The following GRIK2 variants were observed in gnomAD, a reference collection of about 807,000 sequenced individuals.
The protein encoded by GRIK2 is glutamate ionotropic receptor kainate type subunit 2.
In GRIK2, 32 loss-of-function variants were observed where a neutral mutation model predicts 100.3. That is an observed-to-expected ratio of 0.32 (90% CI 0.24 to 0.43). GRIK2 has a LOEUF of 0.43. Ranked by LOEUF, GRIK2 falls within the 20% of genes least tolerant of loss-of-function variation. The probability of loss-of-function intolerance (pLI) is 1.00; values close to 1 mark genes in which losing one functional copy is unlikely to be tolerated. For missense variants in GRIK2, 843 were observed against 1,114.9 expected, an observed-to-expected ratio of 0.76 and a Z score of 3.47; for synonymous variants, 417 against 389.4, an observed-to-expected ratio of 1.07 and a Z score of -0.83.
intron 7 of GRIK2, among the ~76,000 whole-genome samples, chr6:101,767,113 T>C (rs1293390740): frequency 6.6e-6 from 1 of 152,216 alleles, no homozygotes; most frequent in Non-Finnish European, 1.5e-5. Context: ...GAATACTATC[T>C]AGAATTCAGA....
chr6:101,942,776 T>A (rs1256319535), intron 14 of GRIK2, among the ~76,000 whole-genome samples: 2 of 152,202 alleles, frequency 1.3e-5, no homozygotes, highest in East Asian at 3.9e-4. Context: ...AGAGATGGTC[T>A]GAAATTAGAA....
rs200910071 is a variant in GRIK2 at position 101,523,181 on chromosome 6, TA to T, written c.116-98766del. Among the ~76,000 whole-genome samples the T allele has an allele frequency of 3.8e-3, 576 of 152,302 alleles. 7 individuals carry two copies. The highest frequency in any genetic ancestry group is 0.013 in the African/African-American group (559 of 41,572). ...GGGAATTATTATCTCTCAGTATAAGTAAGAGAAAACTTCGACTTTTGGCAGC... is the reference window on the plus strand; with the variant it reads ...GGGAATTATTATCTCTCAGTATAAGTAGAGAAAACTTCGACTTTTGGCAGC... On this transcript the variant is annotated intron_variant, in intron 2 of 16. Coordinates refer to ENST00000369134, the MANE Select transcript of GRIK2 (RefSeq NM_021956.5).
chr6:101,776,937 G>A (rs975186050), intron 7 of GRIK2, among the ~76,000 whole-genome samples: 2 of 152,158 alleles, frequency 1.3e-5, no homozygotes, highest in Non-Finnish European at 2.9e-5. Context: ...TTCTAAACTG[G>A]TTCCTTGTTC....
chr6:102,022,121 G>A (rs1366774916), intron 14 of GRIK2, among the ~76,000 whole-genome samples: 1 of 141,820 alleles, frequency 7.1e-6, no homozygotes, highest in African/African-American at 2.7e-5. Flanking sequence ...TTTTAAATGA[G>A]TCTGTCTATA....
rs370082483 is a variant in GRIK2, at chr6:101,443,131, A to G, written c.115+43739A>G. Among the ~76,000 whole-genome samples, 7 of 152,240 alleles carry G rather than the reference A, an allele frequency of 4.6e-5. No individual in the cohort carries two copies. In the East Asian group the frequency reaches 1.2e-3, roughly 25 times the overall value. On this transcript the variant is annotated intron_variant, in intron 2 of 16. Coordinates refer to ENST00000369134, the MANE Select transcript of GRIK2 (RefSeq NM_021956.5). Reference sequence around the variant, plus strand: ...AAGGTGTCACTATTTCTAAAAATTCAAAGTACGAAAGGGGTCTTTAAGGAA... The same window carrying G: ...AAGGTGTCACTATTTCTAAAAATTCGAAGTACGAAAGGGGTCTTTAAGGAA...
intron 14 of GRIK2, among the ~76,000 whole-genome samples, chr6:101,941,334 G>A (rs1028812872): frequency 1.3e-5 from 2 of 152,024 alleles, no homozygotes; most frequent in East Asian, 1.9e-4. Flanking sequence ...AAGAGAGTCT[G>A]GATAAGGATA....
chr6:101,878,771 T>A (rs1394001380), intron 11 of GRIK2, among the ~76,000 whole-genome samples: 1 of 152,004 alleles, frequency 6.6e-6, no homozygotes, highest in Non-Finnish European at 1.5e-5. Flanking sequence ...GTTTCACTTC[T>A]CTTCTATTCA....
chr6:101,734,537 C>T (rs1775502334), intron 7 of GRIK2, among the ~76,000 whole-genome samples: 1 of 151,982 alleles, frequency 6.6e-6, no homozygotes. Flanking sequence ...AAAGACATAC[C>T]CACAGACACA....
intron 7 of GRIK2, among the ~76,000 whole-genome samples, chr6:101,722,665 A>G (rs1583023395): frequency 6.6e-6 from 1 of 152,078 alleles, no homozygotes; most frequent in African/African-American, 2.4e-5. Flanking sequence ...ATGGATGCCA[A>G]CTGTGAAACC....
chr6:101,909,180 A>G (rs1788459532), intron 12 of GRIK2, among the ~76,000 whole-genome samples: 1 of 151,110 alleles, frequency 6.6e-6, no homozygotes, highest in Non-Finnish European at 1.5e-5. Context: ...TCAGTATAAA[A>G]GAGATTTTGA....
chr6:101,696,853 G>GA (rs554695742), intron 7 of GRIK2, among the ~76,000 whole-genome samples: 13 of 150,986 alleles, frequency 8.6e-5, no homozygotes, highest in Non-Finnish European at 1.0e-4. Flanking sequence ...TAGAAACCAG[G>GA]AAAAAAAAAT....
chr6:102,063,443 G>A (rs1771853769), intron 16 of GRIK2, among the ~76,000 whole-genome samples: 2 of 150,568 alleles, frequency 1.3e-5, no homozygotes, highest in South Asian at 4.2e-4. Context: ...AATCATGCTG[G>A]TTATTTTTCT....
At chr6:101,574,362 T>C (rs1777699482) in intron 2 of GRIK2, among the ~76,000 whole-genome samples, 1 of 147,766 alleles carries the variant, frequency 6.8e-6, no homozygotes, top group East Asian at 2.0e-4. Context: ...TTATATATAC[T>C]TATATATAAA....
At position 102,006,392 on chromosome 6, in the gene GRIK2, T is replaced by TATATATATATA. The variant is rs1562105606; in HGVS notation, c.2086-28949_2086-28948insATATATATATA. Among the ~76,000 whole-genome samples the TATATATATATA allele has an allele frequency of 8.3e-5, 8 of 96,446 alleles. No homozygotes were observed. The South Asian group carries it at 2.0e-3, about 25-fold the overall frequency. The allele number at this position is 96,446 out of a possible 152,430, so 63.3% of individuals were successfully genotyped here. A position where few individuals can be genotyped will look rare whatever the true frequency, so the allele number is the denominator to read the frequency against. Reference sequence around the variant, plus strand: ...TTTATATATATATATATATATATATTTTTTTTTTTTTTGAGACATACAGTG... The same window carrying TATATATATATA: ...TTTATATATATATATATATATATATTATATATATATATTTTTTTTTTTTGAGACATACAGTG... On this transcript the variant is annotated intron_variant, in intron 14 of 16. Transcript: ENST00000369134.
intron 14 of GRIK2, among the ~76,000 whole-genome samples, chr6:101,960,940 C>G (rs191651344): frequency 2.8e-4 from 43 of 152,246 alleles, no homozygotes; most frequent in African/African-American, 1.0e-3. Context: ...CCTGACTTCC[C>G]TGCTGAAGGG....
intron 15 of GRIK2, among the ~76,000 whole-genome samples, chr6:102,053,091 AACACACAC>A (rs148536098): frequency 2.0e-5 from 3 of 149,268 alleles, no homozygotes; most frequent in African/African-American, 4.9e-5. Flanking sequence ...CAACAACAAC[AACACACAC>A]ACACACACAC....
chr6:101,824,062 G>T (rs1782151526), intron 10 of GRIK2, among the ~76,000 whole-genome samples: 1 of 151,594 alleles, frequency 6.6e-6, no homozygotes, highest in Admixed American at 6.6e-5. Flanking sequence ...AGATGGTGTT[G>T]TATTTTTGTA....
At chr6:102,009,957 T>C (rs1033786558) in intron 14 of GRIK2, among the ~76,000 whole-genome samples, 1 of 152,094 alleles carries the variant, frequency 6.6e-6, no homozygotes, top group Non-Finnish European at 1.5e-5. Flanking sequence ...AATGCTTGAG[T>C]GCAATATGTA....
intron 10 of GRIK2, among the ~76,000 whole-genome samples, chr6:101,837,867 G>T (rs1582346528): frequency 6.6e-6 from 1 of 151,986 alleles, no homozygotes; most frequent in Non-Finnish European, 1.5e-5. Flanking sequence ...GTTTCCTGGG[G>T]CCTTATATTT....
Sources: gnomAD v4.1 joint callset for allele counts (sites outside exome capture counted in the v4.1 genomes callset) on GRCh38, gnomAD v4.1.1 for gene constraint, MANE v1.5 for transcripts, NCBI Gene and HGNC (gene_info 2026-07-23, HGNC 2026-07-21) for gene names.